The following HDAC7 variants were observed in gnomAD, a reference collection of about 807,000 sequenced individuals.
HDAC7 encodes the protein histone deacetylase 7A.
Under a neutral mutation model 115.5 loss-of-function variants are expected in HDAC7, and 26 were observed. The ratio of observed to expected loss-of-function variants is 0.23; its 90% confidence interval spans 0.16 to 0.31. The LOEUF (loss-of-function observed/expected upper bound fraction) is 0.31. Ranked by LOEUF, HDAC7 falls within the 10% of genes least tolerant of loss-of-function variation. The pLI, the probability that HDAC7 is intolerant of heterozygous loss-of-function variation, is 1.00. For synonymous variants in HDAC7, 564 were observed against 550.9 expected (o/e 1.02, Z -0.33); for missense variants, 1,068 against 1,329.0 (o/e 0.80, Z 3.05).
chr12:47,811,361 TG>T (rs371824957), intron 1 of HDAC7, among the ~76,000 whole-genome samples: 97 of 152,250 alleles, frequency 6.4e-4, no homozygotes, highest in African/African-American at 2.3e-3. Context: ...AACAGACAGA[TG>T]GCATGGTCCT....
Position 47,798,439 on chromosome 12 carries a change from G to A in HDAC7, c.349+123C>T, listed in dbSNP as rs1030840467. Reference sequence around the variant, plus strand: ...ACAGGCAGAGCCCAGGCAAGCAGAGGGAAAGCCTCGGCTCAGGCCCAGCTG... The same window carrying A: ...ACAGGCAGAGCCCAGGCAAGCAGAGAGAAAGCCTCGGCTCAGGCCCAGCTG... On this transcript the variant is annotated intron_variant, in intron 4 of 25. Transcript: ENST00000080059. This position sits in a 1 kb window ranked among gnomAD's most constrained non-coding sequence, Gnocchi z 4.3. The A allele has an allele frequency of 6.6e-6, 6 of 907,666 alleles. No individual in the cohort carries two copies. Among genetic ancestry groups the A allele is most frequent in the East Asian group, 5.2e-5 (2 of 38,808 alleles). The allele number at this position is 907,666 out of a possible 1,614,324, so 56.2% of individuals were successfully genotyped here.
At chr12:47,796,074 T>TC (rs2136968351) in intron 8 of HDAC7, 58 bp from the exon 9 acceptor site, 1 of 1,530,352 alleles carries the variant, frequency 6.5e-7, no homozygotes, top group Non-Finnish European at 8.9e-7. Context: ...CGGCGCACCT[T>TC]CCCCAGAACA....
rs766147838 is a variant in HDAC7, at chr12:47,795,400, G to A, written c.1088-20C>T. 3.2e-6 allele frequency: 5 copies of A among 1,562,022 alleles called. No homozygotes were observed. In the Admixed American group the frequency reaches 9.6e-5, roughly 30 times the overall value. ...CGGGCACTGGAAAGAATCGGGGGGT[G>A]GAATAAGGAGGGAACCACAGGGAGC... On this transcript the variant is annotated intron_variant, in intron 10 of 25. Transcript: ENST00000080059. This position sits in a 1 kb window ranked among gnomAD's most constrained non-coding sequence, Gnocchi z 4.3.
At chr12:47,816,780 G>A (rs1944861511) in intron 1 of HDAC7, among the ~76,000 whole-genome samples, 1 of 152,206 alleles carries the variant, frequency 6.6e-6, no homozygotes, top group Admixed American at 6.5e-5. Flanking sequence ...AGGGCAGTGG[G>A]GATGGGTTGG....
chr12:47,798,029 T>G lies in HDAC7; in HGVS notation c.461+79A>C. The G allele has an allele frequency of 1.0e-6, 1 of 970,430 alleles. No homozygotes were observed. Among genetic ancestry groups the G allele is most frequent in the Non-Finnish European group, 1.6e-6 (1 of 609,444 alleles). 60.1% of individuals were successfully genotyped at this position (970,430 alleles called of 1,614,324 possible). A position where few individuals can be genotyped will look rare whatever the true frequency, so the allele number is the denominator to read the frequency against. On this transcript the variant is annotated intron_variant, in intron 5 of 25. Coordinates refer to ENST00000080059, the MANE Select transcript of HDAC7 (RefSeq NM_015401.5). This position sits in a 1 kb window ranked among gnomAD's most constrained non-coding sequence, Gnocchi z 4.3. ...GGCAACTGGGGAGGAAGGAGGCAAGTGTGTGTGCTCATGGCTAACACGGGG... is the reference window on the plus strand; with the variant it reads ...GGCAACTGGGGAGGAAGGAGGCAAGGGTGTGTGCTCATGGCTAACACGGGG...
intron 11 of HDAC7, 51 bp from the exon 12 acceptor site, chr12:47,794,984 G>A (rs745421944): frequency 1.9e-6 from 3 of 1,548,082 alleles, no homozygotes; most frequent in Non-Finnish European, 2.6e-6. Flanking sequence ...GAGGGGCATG[G>A]GGTGGGAGGT....
chr12:47,787,949 T>C, intron 20 of HDAC7, 96 bp downstream of exon 20: 1 of 1,578,638 alleles, frequency 6.3e-7, no homozygotes, highest in Non-Finnish European at 8.7e-7. Context: ...GGCTCAGCAG[T>C]CTGCCCAGGA....
chr12:47,789,228 T>C, intron 19 of HDAC7, 33 bp downstream of exon 19: 1 of 1,541,060 alleles, frequency 6.5e-7, no homozygotes, highest in Non-Finnish European at 9.0e-7. Context: ...CCCAGGGCTC[T>C]CGAATTGGAG....
intron 2 of HDAC7, among the ~76,000 whole-genome samples, chr12:47,801,619 C>T (rs540480272): frequency 6.6e-6 from 1 of 152,326 alleles, no homozygotes; most frequent in East Asian, 1.9e-4. Context: ...ATATCTTGCA[C>T]TCAGTAGGCC....
chr12:47,784,830 C>CATTAT, intron 24 of HDAC7: 1 of 1,485,168 alleles, frequency 6.7e-7, no homozygotes, highest in Non-Finnish European at 9.1e-7. Context: ...ATGTCTTTAC[C>CATTAT]ATTATGTAAA....
chr12:47,800,820 C>G (rs1170976999), intron 2 of HDAC7, among the ~76,000 whole-genome samples: 2 of 152,242 alleles, frequency 1.3e-5, no homozygotes, highest in Non-Finnish European at 2.9e-5. Context: ...TGCATGGCCA[C>G]TGCCTCCACA....
chr12:47,802,720 G>T (rs917228122), intron 1 of HDAC7, among the ~76,000 whole-genome samples: 4 of 152,084 alleles, frequency 2.6e-5, no homozygotes, highest in African/African-American at 9.7e-5. Flanking sequence ...GACAGGAGGA[G>T]AAAGGGAGGA....
At chr12:47,790,700 G>A (rs1284329950) in intron 16 of HDAC7, 2 of 167,596 alleles carry the variant, frequency 1.2e-5, no homozygotes, top group African/African-American at 2.4e-5. Flanking sequence ...AGTGTTAGGC[G>A]AGGAGAGCTG....
At position 47,798,960 on chromosome 12, in the gene HDAC7, G is replaced by A. The variant is rs1944027605; in HGVS notation, c.83C>T (p.Pro28Leu). 1 of 1,508,378 alleles carries A rather than the reference G, an allele frequency of 6.6e-7. No individual in the cohort carries two copies. Among genetic ancestry groups the A allele is most frequent in the South Asian group, 1.3e-5 (1 of 77,338 alleles). 93.4% of individuals were successfully genotyped at this position (1,508,378 alleles called of 1,614,324 possible). A position where few individuals can be genotyped will look rare whatever the true frequency, so the allele number is the denominator to read the frequency against. Reference protein sequence around the residue: ...CSPTGAGCPRPCADTPGPQPQ... With the variant: ...CSPTGAGCPRLCADTPGPQPQ... ...CTGAGGGCCTGGTGTGTCTGCACAG[G>A]GCCTGGGGCAGCCTAGGGACAGAGA... The change falls in exon 3 of 26, where the codon CCC (proline) becomes CTC (leucine). Residue 28 changes from proline to leucine, a missense_variant. By Grantham distance (98) the Pro-to-Leu change is moderately conservative. This residue lies in a region of HDAC7 where 161 missense variants were observed against 158.5 expected (regional missense o/e 1.02). Coordinates refer to ENST00000080059, the MANE Select transcript of HDAC7 (RefSeq NM_015401.5). The surrounding 1 kb of genome is among the most constrained non-coding windows in gnomAD (Gnocchi z 4.3).
At chr12:47,794,699 T>C in intron 12 of HDAC7, 61 bp downstream of exon 12, 2 of 1,465,602 alleles carry the variant, frequency 1.4e-6, no homozygotes, top group Non-Finnish European at 1.8e-6. Context: ...TTCCCCATCT[T>C]ATGCCAGGCC....
chr12:47,783,673 G>A lies in HDAC7; in HGVS notation c.*168C>T, dbSNP rs537872752. 3.2e-4 allele frequency: 232 copies of A among 726,036 alleles called. No individual in the cohort carries two copies. The highest frequency in any genetic ancestry group is 2.9e-3 in the African/African-American group (166 of 56,832). The allele number at this position is 726,036 out of a possible 1,614,324, so 45.0% of individuals were successfully genotyped here. A position where few individuals can be genotyped will look rare whatever the true frequency, so the allele number is the denominator to read the frequency against. Reference sequence around the variant, plus strand: ...TCTCCAGTTCCCATTCTAGACCCAGGGATTTTCTCACGCTCCCTGGGATAA... The same window carrying A: ...TCTCCAGTTCCCATTCTAGACCCAGAGATTTTCTCACGCTCCCTGGGATAA... On this transcript the variant is annotated 3_prime_UTR_variant, in exon 26 of 26. Transcript: ENST00000080059.
intron 14 of HDAC7, 65 bp downstream of exon 14, chr12:47,791,806 C>CCCCCCCCCCCCCCCCCCT: frequency 6.5e-7 from 1 of 1,527,346 alleles, no homozygotes; most frequent in Admixed American, 1.9e-5. Context: ...CCAGGGCCCC[C>CCCCCCCCCCCCCCCCCCT]CACCCCTCCC....
chr12:47,818,151 A>T, intron 1 of HDAC7, among the ~76,000 whole-genome samples: 1 of 151,994 alleles, frequency 6.6e-6, no homozygotes, highest in East Asian at 1.9e-4. Context: ...CTGCCCCAAA[A>T]CCCACTGTAA....
upstream of HDAC7, chr12:47,820,473 C>G (rs1944990324): frequency 6.6e-6 from 1 of 152,328 alleles, no homozygotes; most frequent in African/African-American, 2.4e-5. This position sits in a 1 kb window ranked among gnomAD's most constrained non-coding sequence, Gnocchi z 4.3. Flanking sequence ...CACACATAAG[C>G]ACGACTTGCC....
Sources: allele counts gnomAD v4.1 joint callset (sites outside exome capture counted in the v4.1 genomes callset), GRCh38; gene constraint gnomAD v4.1.1; regional missense constraint gnomAD v4.1.1; non-coding constraint Gnocchi (gnomAD v3.1); transcripts MANE v1.5; gene names NCBI Gene and HGNC (gene_info 2026-07-23, HGNC 2026-07-21).